TTC7B: variants seen among roughly 807,000 people sequenced by gnomAD.
TTC7B encodes the protein tetratricopeptide repeat protein 7B.
In TTC7B, 28 loss-of-function variants were observed where a neutral mutation model predicts 106.8. That is an observed-to-expected ratio of 0.26 (90% CI 0.19 to 0.36). TTC7B has a LOEUF of 0.36. Among genes scored for constraint, TTC7B ranks in the 10% least tolerant of loss-of-function variants. The probability of loss-of-function intolerance (pLI) is 1.00; values close to 1 mark genes in which losing one functional copy is unlikely to be tolerated. For missense variants in TTC7B, 862 were observed against 1,076.4 expected, an observed-to-expected ratio of 0.80 and a Z score of 2.79; for synonymous variants, 405 against 430.6, an observed-to-expected ratio of 0.94 and a Z score of 0.74.
In TTC7B at chr14:90,556,322, G is replaced by A. The variant is rs537042968; in HGVS notation, c.2311-14733C>T. On this transcript the variant is annotated intron_variant, in intron 19 of 19. Coordinates refer to ENST00000328459, the MANE Select transcript of TTC7B (RefSeq NM_001010854.2). ...TCCAGCCTCCCCTCCCCCATCTGCC[G>A]TTTAAATCACGTGCTTTGAGGCAGT... is the stretch of plus-strand genomic sequence containing the variant. Among the ~76,000 whole-genome samples the A allele has an allele frequency of 1.9e-3, 285 of 152,248 alleles. 3 individuals are homozygous for A. The highest frequency in any genetic ancestry group is 6.3e-3 in the African/African-American group (263 of 41,562).
intron 3 of TTC7B, among the ~76,000 whole-genome samples, chr14:90,771,633 G>T (rs746005409): frequency 6.6e-6 from 1 of 151,928 alleles, no homozygotes; most frequent in African/African-American, 2.4e-5. Flanking sequence ...GCACACCACC[G>T]TGCAGCCTTT....
intron 1 of TTC7B, among the ~76,000 whole-genome samples, chr14:90,810,869 C>A (rs777960180): frequency 1.3e-5 from 2 of 152,202 alleles, no homozygotes; most frequent in Non-Finnish European, 2.9e-5. Context: ...ATTCCAGAGT[C>A]AAATAGCGTG....
At chr14:90,587,289 T>C (rs982531063) in intron 18 of TTC7B, among the ~76,000 whole-genome samples, 1 of 152,214 alleles carries the variant, frequency 6.6e-6, no homozygotes, top group East Asian at 1.9e-4. Flanking sequence ...AGTCCCTCAG[T>C]AGCTTTCCAA....
In TTC7B at chr14:90,577,600, C is replaced by A. The variant is rs913348965; in HGVS notation, c.2310+506G>T. ...CCTCTCAGGGCAACATGGCCAGACA[C>A]CCCCGCTGGTAGGATGCTCCCTCCC... On this transcript the variant is annotated intron_variant, in intron 19 of 19. Coordinates refer to ENST00000328459, the MANE Select transcript of TTC7B (RefSeq NM_001010854.2). The surrounding 1 kb of genome is among the most constrained non-coding windows in gnomAD (Gnocchi z 5.0). Among the ~76,000 whole-genome samples, 1 of 152,200 alleles carries A rather than the reference C, an allele frequency of 6.6e-6. No homozygotes were observed. The highest frequency in any genetic ancestry group is 2.4e-5 in the African/African-American group (1 of 41,446).
At chr14:90,692,085 G>A (rs1014098283) in intron 6 of TTC7B, among the ~76,000 whole-genome samples, 9 of 152,098 alleles carry the variant, frequency 5.9e-5, no homozygotes, top group Admixed American at 2.0e-4. Context: ...CCATTGCATC[G>A]ATAAACCACA....
At chr14:90,659,803 T>C (rs1009528584) in intron 9 of TTC7B, among the ~76,000 whole-genome samples, 2 of 152,020 alleles carry the variant, frequency 1.3e-5, no homozygotes, top group African/African-American at 2.4e-5. Flanking sequence ...AGGTTATCTA[T>C]GTGTTAATTT....
chr14:90,690,325 G>A (rs1260607782), intron 6 of TTC7B, among the ~76,000 whole-genome samples: 1 of 152,182 alleles, frequency 6.6e-6, no homozygotes, highest in Non-Finnish European at 1.5e-5. Flanking sequence ...AGTGGGAAAT[G>A]GTTCCCGATC....
At chr14:90,641,205 A>G (rs1885155023) in intron 15 of TTC7B, among the ~76,000 whole-genome samples, 1 of 152,190 alleles carries the variant, frequency 6.6e-6, no homozygotes, top group South Asian at 2.1e-4. Context: ...CAAAGTACTT[A>G]AACAGCAAGT....
intron 1 of TTC7B, among the ~76,000 whole-genome samples, chr14:90,792,374 C>T (rs958608924): frequency 6.6e-6 from 1 of 152,028 alleles, no homozygotes; most frequent in Non-Finnish European, 1.5e-5. Context: ...GTCAGGAGTT[C>T]AAGACCAGCT....
At chr14:90,734,980 C>T (rs1889463700) in intron 4 of TTC7B, among the ~76,000 whole-genome samples, 1 of 151,984 alleles carries the variant, frequency 6.6e-6, no homozygotes, top group Non-Finnish European at 1.5e-5. Context: ...GACAAGATTT[C>T]ACCATGTTGG....
intron 15 of TTC7B, among the ~76,000 whole-genome samples, chr14:90,641,561 C>T (rs1238661576): frequency 6.6e-6 from 1 of 152,224 alleles, no homozygotes; most frequent in Non-Finnish European, 1.5e-5. Context: ...CTGGCCCCAA[C>T]TTTTAATAAA....
chr14:90,533,081 A>G lies in TTC7B; in HGVS notation c.*8287T>C, dbSNP rs2139751606. 1 of 152,982 alleles carries G rather than the reference A, an allele frequency of 6.5e-6. No homozygotes were observed. Among genetic ancestry groups the G allele is most frequent in the African/African-American group, 2.4e-5 (1 of 41,554 alleles). 9.5% of individuals were successfully genotyped at this position (152,982 alleles called of 1,614,324 possible). A position where few individuals can be genotyped will look rare whatever the true frequency, so the allele number is the denominator to read the frequency against. On this transcript the variant is annotated 3_prime_UTR_variant, in exon 20 of 20. Coordinates refer to ENST00000328459, the MANE Select transcript of TTC7B (RefSeq NM_001010854.2). ...GAGGCTCAGAGAGGACTAGTGACTCACCTAAGGCTCCTAGGAGAGTAGGTG... is the reference window on the plus strand; with the variant it reads ...GAGGCTCAGAGAGGACTAGTGACTCGCCTAAGGCTCCTAGGAGAGTAGGTG...
rs1243920780 is a variant in TTC7B, at chr14:90,528,796, G to A, written c.*12572C>T. 1.3e-5 allele frequency: 2 copies of A among 150,030 alleles called. No individual in the cohort carries two copies. The highest frequency in any genetic ancestry group is 6.7e-5 in the Admixed American group (1 of 14,920). The allele number at this position is 150,030 out of a possible 1,614,324, so 9.3% of individuals were successfully genotyped here. A position where few individuals can be genotyped will look rare whatever the true frequency, so the allele number is the denominator to read the frequency against. ...TACCTGTTTCTGATGGTTGTTTCTGGTGGTGTGACCCAACTGCACTTTGTT... is the reference window on the plus strand; with the variant it reads ...TACCTGTTTCTGATGGTTGTTTCTGATGGTGTGACCCAACTGCACTTTGTT... On this transcript the variant is annotated 3_prime_UTR_variant, in exon 20 of 20. Coordinates refer to ENST00000328459, the MANE Select transcript of TTC7B (RefSeq NM_001010854.2).
At chr14:90,662,191 G>A (rs1185431203) in intron 9 of TTC7B, among the ~76,000 whole-genome samples, 5 of 152,254 alleles carry the variant, frequency 3.3e-5, no homozygotes, top group Non-Finnish European at 5.9e-5. Context: ...TGGCACACGC[G>A]TGGCACGCAG....
intron 3 of TTC7B, among the ~76,000 whole-genome samples, chr14:90,777,498 G>A (rs1015088068): frequency 6.6e-6 from 1 of 152,112 alleles, no homozygotes; most frequent in Non-Finnish European, 1.5e-5. Flanking sequence ...AAAGGCTAAC[G>A]TTGGCTGGCC....
At chr14:90,585,530 G>C (rs1891676082) in intron 18 of TTC7B, 1 of 152,548 alleles carries the variant, frequency 6.6e-6, no homozygotes, top group Non-Finnish European at 1.5e-5. Context: ...CCTGTGCCCT[G>C]GACCCCACCA....
chr14:90,652,712 G>T, intron 13 of TTC7B, 129 bp downstream of exon 13: 1 of 982,668 alleles, frequency 1.0e-6, no homozygotes, highest in Non-Finnish European at 1.6e-6. Context: ...TGTGTTCGGT[G>T]CTCAGGACGA....
intron 2 of TTC7B, among the ~76,000 whole-genome samples, chr14:90,784,384 T>C (rs1347233063): frequency 1.3e-5 from 2 of 152,060 alleles, no homozygotes; most frequent in African/African-American, 2.4e-5. Context: ...GGTGAAACCC[T>C]GTCTCTACTA....
chr14:90,811,359 C>A (rs188425263), intron 1 of TTC7B, among the ~76,000 whole-genome samples: 276 of 152,228 alleles, frequency 1.8e-3, no homozygotes, highest in African/African-American at 5.8e-3. Flanking sequence ...CCAGGTATGT[C>A]CAAAGAAGCC....
Sources: gnomAD v4.1 joint callset for allele counts (sites outside exome capture counted in the v4.1 genomes callset) on GRCh38, gnomAD v4.1.1 for gene constraint, Gnocchi (gnomAD v3.1) non-coding constraint, MANE v1.5 for transcripts, NCBI Gene and HGNC (gene_info 2026-07-23, HGNC 2026-07-21) for gene names.